The following OSBPL8 variants were observed in gnomAD, a reference collection of about 807,000 sequenced individuals.
OSBPL8 encodes oxysterol binding protein like 8.
A neutral mutation model predicts 125.5 loss-of-function variants in OSBPL8; 59 were observed. The observed-to-expected ratio is 0.47, with a 90% CI of 0.38 to 0.58. The LOEUF (loss-of-function observed/expected upper bound fraction) is 0.58. OSBPL8 is among the 20% of genes least tolerant of loss of function. OSBPL8 has a pLI of 0.00. For synonymous variants in OSBPL8, 330 were observed against 338.9 expected, an observed-to-expected ratio of 0.97 and a Z score of 0.29; for missense variants, 758 against 1,047.8, an observed-to-expected ratio of 0.72 and a Z score of 3.82.
intron 4 of OSBPL8, among the ~76,000 whole-genome samples, chr12:76,417,378 T>C (rs1437371742): frequency 6.6e-6 from 1 of 152,206 alleles, no homozygotes; most frequent in East Asian, 1.9e-4. Flanking sequence ...TAAGTTTCTT[T>C]TTAATTTGTT....
At chr12:76,502,260 A>T (rs1200875781) in intron 1 of OSBPL8, among the ~76,000 whole-genome samples, 1 of 152,114 alleles carries the variant, frequency 6.6e-6, no homozygotes, top group Non-Finnish European at 1.5e-5. Flanking sequence ...ATCCACTATT[A>T]CCCCTATTGA....
At chr12:76,547,939 A>G (rs1260696219) in intron 1 of OSBPL8, among the ~76,000 whole-genome samples, 1 of 152,212 alleles carries the variant, frequency 6.6e-6, no homozygotes, top group East Asian at 1.9e-4. Flanking sequence ...CAAGCGGCAT[A>G]AAGGCACAAA....
chr12:76,503,503 C>A (rs965890371), intron 1 of OSBPL8, among the ~76,000 whole-genome samples: 3 of 152,202 alleles, frequency 2.0e-5, no homozygotes, highest in Non-Finnish European at 4.4e-5. Context: ...CTTCAATATG[C>A]ATTTTAATGG....
At chr12:76,507,244 A>C (rs1258127992) in intron 1 of OSBPL8, among the ~76,000 whole-genome samples, 1 of 151,814 alleles carries the variant, frequency 6.6e-6, no homozygotes, top group African/African-American at 2.4e-5. Context: ...AGTAATTTTT[A>C]TAAAACTTAT....
At chr12:76,411,000 A>G (rs998971756) in intron 4 of OSBPL8, among the ~76,000 whole-genome samples, 1 of 152,204 alleles carries the variant, frequency 6.6e-6, no homozygotes, top group Non-Finnish European at 1.5e-5. Context: ...AATGGAAAAC[A>G]ATTTCAGACG....
At position 76,396,899 on chromosome 12, in the gene OSBPL8, C is replaced by T. The variant is rs139886914; in HGVS notation, c.672+795G>A. ...CGCTCATGGCTCACTGAAGCCTCCTCGACCTCCCAAGCTTAAGTGATCCTC... is the reference window on the plus strand; with the variant it reads ...CGCTCATGGCTCACTGAAGCCTCCTTGACCTCCCAAGCTTAAGTGATCCTC... On this transcript the variant is annotated intron_variant, in intron 8 of 23. Transcript: ENST00000261183. 7.2e-5 allele frequency among the ~76,000 whole-genome samples: 11 copies of T among 152,190 alleles called. 1 individual carries two copies. Among genetic ancestry groups the T allele is most frequent in the Admixed American group, 2.0e-4 (3 of 15,286 alleles).
At chr12:76,439,960 T>A (rs1358203711) in intron 4 of OSBPL8, among the ~76,000 whole-genome samples, 1 of 152,142 alleles carries the variant, frequency 6.6e-6, no homozygotes, top group African/African-American at 2.4e-5. Context: ...TTAATTAACT[T>A]ATTATCTTTA....
intron 23 of OSBPL8, 137 bp downstream of exon 23, chr12:76,356,489 G>A (rs919303619): frequency 1.4e-5 from 8 of 561,966 alleles, no homozygotes; most frequent in African/African-American, 1.4e-4. Flanking sequence ...CAAACATCAG[G>A]TGATAGAGGC....
At chr12:76,526,321 A>G (rs74103502) in intron 1 of OSBPL8, among the ~76,000 whole-genome samples, 2,009 of 152,286 alleles carry the variant, frequency 0.013, 32 homozygotes, top group African/African-American at 0.041. Context: ...GTATTAATTG[A>G]ACGTTTTTCA....
intron 1 of OSBPL8, among the ~76,000 whole-genome samples, chr12:76,559,033 G>A (rs184185327): frequency 6.6e-6 from 1 of 152,290 alleles, no homozygotes; most frequent in African/African-American, 2.4e-5. Context: ...CGCACCGAGC[G>A]ACAAAGCGCC....
rs570002920 is a variant in OSBPL8, at chr12:76,488,940, A to G, written c.-67-1322T>C. 6.6e-5 allele frequency among the ~76,000 whole-genome samples: 10 copies of G among 152,362 alleles called. No individual in the cohort carries two copies. In the South Asian group the frequency reaches 8.3e-4, roughly 13 times the overall value. On this transcript the variant is annotated intron_variant, in intron 1 of 23. Coordinates refer to ENST00000261183, the MANE Select transcript of OSBPL8 (RefSeq NM_020841.5). The stretch of plus-strand genomic sequence containing the variant: ...CACCAAACAGCCATGTTGTGAATGC[A>G]AAGTAAAAGTTCTTGGAAGAAATTA...
At chr12:76,440,497 G>C (rs898756594) in intron 4 of OSBPL8, among the ~76,000 whole-genome samples, 1 of 151,858 alleles carries the variant, frequency 6.6e-6, no homozygotes, top group African/African-American at 2.4e-5. Context: ...GTTCTTCCAG[G>C]CACTTGTGTA....
chr12:76,385,750 T>C (rs1592575369), intron 14 of OSBPL8, among the ~76,000 whole-genome samples: 1 of 152,240 alleles, frequency 6.6e-6, no homozygotes, highest in East Asian at 1.9e-4. Flanking sequence ...CTGCACAGGT[T>C]TGACTACTGT....
intron 19 of OSBPL8, among the ~76,000 whole-genome samples, chr12:76,370,302 T>C (rs1442179590): frequency 6.6e-6 from 1 of 152,218 alleles, no homozygotes; most frequent in Non-Finnish European, 1.5e-5. Context: ...GGCGCAAGTA[T>C]TGATATATTT....
intron 1 of OSBPL8, among the ~76,000 whole-genome samples, chr12:76,548,077 T>C (rs550441597): frequency 8.7e-4 from 133 of 152,320 alleles, no homozygotes; most frequent in Admixed American, 2.4e-3. Context: ...CTTCTGTTTA[T>C]GAAGCTAGAA....
At chr12:76,395,168 C>G (rs1953739028) in intron 8 of OSBPL8, among the ~76,000 whole-genome samples, 1 of 152,024 alleles carries the variant, frequency 6.6e-6, no homozygotes, top group African/African-American at 2.4e-5. Context: ...AATAAATCTC[C>G]ACTTTATAAC....
intron 1 of OSBPL8, among the ~76,000 whole-genome samples, chr12:76,489,816 C>T (rs1320074837): frequency 6.6e-6 from 1 of 152,160 alleles, no homozygotes; most frequent in Non-Finnish European, 1.5e-5. Flanking sequence ...CCATAAGCTG[C>T]CAGAGATAGT....
chr12:76,398,575 A>G (rs1393985509), intron 7 of OSBPL8, among the ~76,000 whole-genome samples: 2 of 152,200 alleles, frequency 1.3e-5, no homozygotes, highest in Non-Finnish European at 2.9e-5. Flanking sequence ...TTCTATTTCC[A>G]TCATCTATTA....
chr12:76,418,589 G>C (rs924521323), intron 4 of OSBPL8, among the ~76,000 whole-genome samples: 1 of 152,108 alleles, frequency 6.6e-6, no homozygotes, highest in East Asian at 1.9e-4. Flanking sequence ...TCAGCGCTTC[G>C]GGAGGCTGAA....
Sources: gnomAD v4.1 joint callset for allele counts (sites outside exome capture counted in the v4.1 genomes callset) on GRCh38, gnomAD v4.1.1 for gene constraint, MANE v1.5 for transcripts, NCBI Gene and HGNC (gene_info 2026-07-23, HGNC 2026-07-21) for gene names.